The following WLS variants were observed in gnomAD, a reference collection of about 807,000 sequenced individuals.
WLS encodes protein wntless homolog.
In WLS, 23 loss-of-function variants were observed where a neutral mutation model predicts 62.8. The ratio of observed to expected loss-of-function variants is 0.37; its 90% confidence interval spans 0.26 to 0.52. WLS has a LOEUF of 0.52. Ranked by LOEUF, WLS falls within the 20% of genes least tolerant of loss-of-function variation. WLS has a pLI of 0.92. For missense variants in WLS, 615 were observed against 697.3 expected, an observed-to-expected ratio of 0.88 and a Z score of 1.33; for synonymous variants, 246 against 244.1, an observed-to-expected ratio of 1.01 and a Z score of -0.07.
intron 2 of WLS, among the ~76,000 whole-genome samples, chr1:68,170,591 C>A (rs1647138129): frequency 6.6e-6 from 1 of 152,104 alleles, no homozygotes; most frequent in Non-Finnish European, 1.5e-5. Flanking sequence ...CAAAAGGCTT[C>A]TTTATCTGGG....
In WLS at chr1:68,148,546, C is replaced by T; in HGVS notation, c.1070+17G>A. 2.5e-6 allele frequency: 4 copies of T among 1,612,928 alleles called. No homozygotes were observed. The highest frequency in any genetic ancestry group is 3.4e-6 in the Non-Finnish European group (4 of 1,179,368). ...TGATGCACAGTTTGGCTCAGTGTCC[C>T]ACAAACACTTGCTCACCTCTCACAC... On this transcript the variant is annotated intron_variant, in intron 7 of 11. Coordinates refer to ENST00000262348, the MANE Select transcript of WLS (RefSeq NM_024911.7).
chr1:68,136,850 C>A (rs1188232916), intron 11 of WLS, among the ~76,000 whole-genome samples: 1 of 152,210 alleles, frequency 6.6e-6, no homozygotes, highest in Non-Finnish European at 1.5e-5. Flanking sequence ...GTGAGGCCAA[C>A]CCTTGGCTCT....
At chr1:68,170,612 T>G (rs1230712078) in intron 2 of WLS, among the ~76,000 whole-genome samples, 1 of 152,126 alleles carries the variant, frequency 6.6e-6, no homozygotes, top group Non-Finnish European at 1.5e-5. Context: ...CTGCAGACAG[T>G]GCTTGGCATC....
At chr1:68,116,884 T>G (rs1646299579) in intron 11 of WLS, among the ~76,000 whole-genome samples, 1 of 152,080 alleles carries the variant, frequency 6.6e-6, no homozygotes, top group African/African-American at 2.4e-5. Context: ...TGGACAAGGG[T>G]GGTTTTAATT....
intron 2 of WLS, among the ~76,000 whole-genome samples, chr1:68,190,532 G>A (rs771597266): frequency 2.6e-5 from 4 of 152,216 alleles, no homozygotes; most frequent in Non-Finnish European, 5.9e-5. Context: ...ATCCCTGGGG[G>A]AAGCCCGCTG....
At chr1:68,155,016 G>A in intron 4 of WLS, 83 bp downstream of exon 4, 1 of 1,397,638 alleles carries the variant, frequency 7.2e-7, no homozygotes, top group Non-Finnish European at 9.7e-7. Context: ...TTTCTCAGAT[G>A]AGACAGGTGA....
chr1:68,098,488 A>T (rs922579616), exon 12 of WLS: 1 of 1,305,418 alleles, frequency 7.7e-7, no homozygotes, highest in African/African-American at 1.5e-5. Context: ...CTCAAAGAAT[A>T]TTTATTGTTG....
intron 1 of WLS, among the ~76,000 whole-genome samples, chr1:68,220,597 T>C (rs1046016986): frequency 1.3e-5 from 2 of 152,208 alleles, no homozygotes; most frequent in South Asian, 4.1e-4. Flanking sequence ...CCATCAGTTA[T>C]TATAGAAATC....
chr1:68,150,384 C>T (rs1168035285), intron 5 of WLS, 28 bp from the exon 6 acceptor site: 14 of 1,608,136 alleles, frequency 8.7e-6, no homozygotes, highest in Non-Finnish European at 1.2e-5. Flanking sequence ...TCAGGACAGC[C>T]ACTTTATTCA....
Position 68,098,844 on chromosome 1 carries a change from T to A in WLS, c.1511-91A>T, listed in dbSNP as rs1012819179. 5.5e-6 allele frequency: 8 copies of A among 1,462,562 alleles called. No homozygotes were observed. The Admixed American group carries it at 2.1e-4, about 38-fold the overall frequency. The allele number at this position is 1,462,562 out of a possible 1,614,324, so 90.6% of individuals were successfully genotyped here. ...TTTAGGACCAAGGCTCAGGTAACTA[T>A]AAAAATTTTTACCTACATAAATTTC... On this transcript the variant is annotated intron_variant, in intron 11 of 11. Transcript: ENST00000354777.
intron 11 of WLS, among the ~76,000 whole-genome samples, chr1:68,115,824 G>A (rs971085234): frequency 1.3e-5 from 2 of 151,388 alleles, no homozygotes; most frequent in African/African-American, 2.4e-5. Context: ...ATTTTTTTTT[G>A]TTTTAAATTA....
chr1:68,129,490 C>T (rs1378619945), intron 11 of WLS, among the ~76,000 whole-genome samples: 1 of 152,038 alleles, frequency 6.6e-6, no homozygotes, highest in Non-Finnish European at 1.5e-5. Flanking sequence ...TTTAGCATGC[C>T]CTGTATTTCC....
Position 68,161,848 on chromosome 1 carries a change from T to G in WLS, c.380-2601A>C, listed in dbSNP as rs200628280. On this transcript the variant is annotated intron_variant, in intron 2 of 11. Transcript: ENST00000262348. ...AGGATGTGCCACTGTTGGGAGGTTG[T>G]GAGTCACTGGGATGCCTCCAGGGAT... 26 of 1,606,594 alleles carry G rather than the reference T, an allele frequency of 1.6e-5. No homozygotes were observed. In the East Asian group the frequency reaches 5.8e-4, roughly 36 times the overall value.
chr1:68,118,374 G>C (rs978577876), intron 11 of WLS, among the ~76,000 whole-genome samples: 4 of 152,148 alleles, frequency 2.6e-5, no homozygotes, highest in African/African-American at 9.7e-5. Flanking sequence ...GTGAGGATGC[G>C]GGCCACAGCC....
downstream of WLS, among the ~76,000 whole-genome samples, chr1:68,121,487 G>T (rs1202544826): frequency 6.6e-6 from 1 of 152,222 alleles, no homozygotes; most frequent in African/African-American, 2.4e-5. Context: ...GACATGCTTA[G>T]AAGGCCCCCC....
intron 1 of WLS, among the ~76,000 whole-genome samples, chr1:68,198,446 T>C (rs1430738): frequency 0.43 from 65,559 of 152,082 alleles, 14,538 homozygotes; most frequent in East Asian, 0.72. Context: ...TGATTCTATA[T>C]AACATTTAAT....
At chr1:68,194,539 C>T (rs1463971841) in intron 1 of WLS, among the ~76,000 whole-genome samples, 1 of 152,204 alleles carries the variant, frequency 6.6e-6, no homozygotes, top group Non-Finnish European at 1.5e-5. Context: ...CTACAGTTCC[C>T]ACCTGATTGA....
At chr1:68,164,953 C>T (rs1370961482) in intron 2 of WLS, among the ~76,000 whole-genome samples, 1 of 152,180 alleles carries the variant, frequency 6.6e-6, no homozygotes, top group Non-Finnish European at 1.5e-5. Context: ...GGTATCTCCC[C>T]TTGGTCAGGG....
At position 68,194,246 on chromosome 1, in the gene WLS, T is replaced by C; in HGVS notation, c.107-19A>G. ...CCTGGAGCTGAAAAGAGAAAGTTTG[T>C]CTGTTTTAGAAAAGCCATCTATTGA... On this transcript the variant is annotated intron_variant, in intron 1 of 11. Transcript: ENST00000262348. The C allele has an allele frequency of 1.2e-6, 2 of 1,611,492 alleles. No individual in the cohort carries two copies. Among genetic ancestry groups the C allele is most frequent in the Non-Finnish European group, 1.7e-6 (2 of 1,178,758 alleles).
Sources: gnomAD v4.1 joint callset for allele counts (sites outside exome capture counted in the v4.1 genomes callset) on GRCh38, gnomAD v4.1.1 for gene constraint, MANE v1.5 for transcripts, NCBI Gene and HGNC (gene_info 2026-07-23, HGNC 2026-07-21) for gene names.